RUNX1T1: variants seen among roughly 807,000 people sequenced by gnomAD.
RUNX1T1 encodes the protein RUNX1 partner transcriptional co-repressor 1.
RUNX1T1 carries 4 observed loss-of-function variants against 62.8 expected under a neutral mutation model. The observed-to-expected ratio is 0.06, with a 90% confidence interval of 0.03 to 0.15. RUNX1T1 has a LOEUF of 0.15. RUNX1T1 is among the 10% of genes least tolerant of loss of function. The pLI, the probability that RUNX1T1 is intolerant of heterozygous loss-of-function variation, is 1.00. For synonymous variants in RUNX1T1, 291 were observed against 286.0 expected (o/e 1.02, Z -0.18); for missense variants, 508 against 754.3 (o/e 0.67, Z 3.82).
intron 5 of RUNX1T1, among the ~76,000 whole-genome samples, chr8:91,995,771 A>G (rs1183746934): frequency 6.6e-6 from 1 of 152,164 alleles, no homozygotes; most frequent in Non-Finnish European, 1.5e-5. Flanking sequence ...TGAGCAACAG[A>G]GTGAGACCCT....
intron 1 of RUNX1T1, among the ~76,000 whole-genome samples, chr8:92,059,796 C>G (rs934343174): frequency 6.6e-6 from 1 of 152,056 alleles, no homozygotes; most frequent in Non-Finnish European, 1.5e-5. Context: ...TAAGTAAAAC[C>G]AGATTTTGAA....
chr8:92,058,932 A>T (rs1418045049), intron 1 of RUNX1T1, among the ~76,000 whole-genome samples: 2 of 152,158 alleles, frequency 1.3e-5, no homozygotes, highest in Non-Finnish European at 2.9e-5. Flanking sequence ...AAGATTAAAC[A>T]ATTATCATTT....
chr8:91,984,985 A>G (rs999999063), intron 8 of RUNX1T1, among the ~76,000 whole-genome samples: 1 of 152,240 alleles, frequency 6.6e-6, no homozygotes, highest in African/African-American at 2.4e-5. Context: ...GCAGAAATCT[A>G]CAAACCTAAG....
At chr8:92,076,111 G>C in exon 2 of RUNX1T1, 1 of 1,572,352 alleles carries the variant, frequency 6.4e-7, no homozygotes, top group Non-Finnish European at 8.6e-7. Context: ...CAGAGATTAT[G>C]TTCACCAGCC....
At chr8:91,989,676 G>T (rs1409836234) in intron 6 of RUNX1T1, among the ~76,000 whole-genome samples, 2 of 152,154 alleles carry the variant, frequency 1.3e-5, no homozygotes, top group Non-Finnish European at 2.9e-5. Context: ...CCTTGAACTG[G>T]TCTCACCGTG....
intron 2 of RUNX1T1, among the ~76,000 whole-genome samples, chr8:92,015,340 T>C (rs987717989): frequency 6.6e-6 from 1 of 152,166 alleles, no homozygotes; most frequent in African/African-American, 2.4e-5. Flanking sequence ...CACCACCCAA[T>C]TAGAAGGCTA....
chr8:92,047,521 C>A (rs1381389391), intron 1 of RUNX1T1, among the ~76,000 whole-genome samples: 1 of 152,114 alleles, frequency 6.6e-6, no homozygotes, highest in Non-Finnish European at 1.5e-5. Flanking sequence ...CTCACATACA[C>A]TAGAATGTAA....
chr8:92,069,890 A>G (rs1250485611), intron 2 of RUNX1T1, among the ~76,000 whole-genome samples: 1 of 152,182 alleles, frequency 6.6e-6, no homozygotes, highest in Non-Finnish European at 1.5e-5. Flanking sequence ...GGATTATTGT[A>G]CCTTTTTTAC....
At chr8:92,006,323 A>G (rs1449085113) in intron 4 of RUNX1T1, 1 of 152,196 alleles carries the variant, frequency 6.6e-6, no homozygotes, top group Non-Finnish European at 1.5e-5. Flanking sequence ...GATACTGGGA[A>G]GAGTGAACAG....
intron 1 of RUNX1T1, among the ~76,000 whole-genome samples, chr8:92,025,141 C>T (rs970381100): frequency 3.6e-4 from 55 of 152,166 alleles, no homozygotes; most frequent in Non-Finnish European, 8.1e-4. Context: ...TCTTGCCTGA[C>T]CTATTCAACA....
rs772562250 is a variant in RUNX1T1, at chr8:92,017,586, A to C, written c.8-223T>G. The stretch of plus-strand genomic sequence containing the variant: ...ACCTCATTTGTAACTAGGTTATATT[A>C]TATCCTATTGTTATTTCTGGCTTAG... On this transcript the variant is annotated intron_variant, in intron 1 of 10. Transcript: ENST00000396218. The C allele has an allele frequency of 1.4e-3, 1,945 of 1,416,000 alleles. 2 individuals are homozygous for C. The highest frequency in any genetic ancestry group is 1.7e-3 in the Non-Finnish European group (1,812 of 1,089,438). 87.7% of individuals were successfully genotyped at this position (1,416,000 alleles called of 1,614,324 possible).
intron 5 of RUNX1T1, among the ~76,000 whole-genome samples, chr8:92,001,977 A>G (rs1247165193): frequency 6.6e-6 from 1 of 152,184 alleles, no homozygotes; most frequent in Non-Finnish European, 1.5e-5. Context: ...AGTTTTAAAG[A>G]GGGCTCTTAG....
At chr8:92,077,031 T>C (rs1834527700) in intron 1 of RUNX1T1, among the ~76,000 whole-genome samples, 1 of 152,092 alleles carries the variant, frequency 6.6e-6, no homozygotes, top group Non-Finnish European at 1.5e-5. Context: ...TTACTAAGGC[T>C]GTAGCTATTA....
At chr8:92,089,279 A>C (rs1836603087) in intron 1 of RUNX1T1, among the ~76,000 whole-genome samples, 1 of 152,216 alleles carries the variant, frequency 6.6e-6, no homozygotes, top group Non-Finnish European at 1.5e-5. Flanking sequence ...CACCTACATC[A>C]GTTTTACAAA....
chr8:92,024,497 CAAA>C (rs34547904), intron 1 of RUNX1T1, among the ~76,000 whole-genome samples: 8 of 17,532 alleles, frequency 4.6e-4, no homozygotes, highest in African/African-American at 1.1e-3. Context: ...AACCCCAACT[CAAA>C]AAAAAAAAAA....
At chr8:92,000,055 C>T (rs1241147720) in intron 5 of RUNX1T1, among the ~76,000 whole-genome samples, 1 of 152,100 alleles carries the variant, frequency 6.6e-6, no homozygotes, top group East Asian at 1.9e-4. Context: ...CCTGTAATCC[C>T]AGCACTTTGG....
intron 5 of RUNX1T1, among the ~76,000 whole-genome samples, chr8:92,004,111 A>G (rs1440661045): frequency 2.6e-5 from 4 of 152,240 alleles, no homozygotes; most frequent in Non-Finnish European, 5.9e-5. Flanking sequence ...AGTCAGTCAC[A>G]AATAGATGTC....
At chr8:92,086,004 TTTTTGTTC>T (rs1836054981) in intron 1 of RUNX1T1, among the ~76,000 whole-genome samples, 1 of 152,226 alleles carries the variant, frequency 6.6e-6, no homozygotes, top group Non-Finnish European at 1.5e-5. Context: ...TTTAATGCAT[TTTTTGTTC>T]TTTTCATTTA....
upstream of RUNX1T1, chr8:92,102,803 AG>A: frequency 6.8e-6 from 10 of 1,478,228 alleles, no homozygotes; most frequent in South Asian, 1.3e-5. This position sits in a 1 kb window ranked among gnomAD's most constrained non-coding sequence, Gnocchi z 4.5. Flanking sequence ...AATAACAGTC[AG>A]GGGCCCGACC....
Sources: gnomAD v4.1 joint callset for allele counts (sites outside exome capture counted in the v4.1 genomes callset) on GRCh38, gnomAD v4.1.1 for gene constraint, Gnocchi (gnomAD v3.1) non-coding constraint, MANE v1.5 for transcripts, NCBI Gene and HGNC (gene_info 2026-07-23, HGNC 2026-07-21) for gene names.